The following PDE11A variants were observed in gnomAD, a reference collection of about 807,000 sequenced individuals.
PDE11A encodes the protein phosphodiesterase 11A, also known as dual 3',5'-cyclic-AMP and -GMP phosphodiesterase 11A.
PDE11A carries 100 observed loss-of-function variants against 100.5 expected under a neutral mutation model. That is an observed-to-expected ratio of 1.00 (90% CI 0.85 to 1.18). PDE11A has a LOEUF of 1.18. Among genes scored for constraint, PDE11A ranks in the 50% most tolerant of loss-of-function variants. The pLI, the probability that PDE11A is intolerant of heterozygous loss-of-function variation, is 0.00. For synonymous variants in PDE11A, 381 were observed against 420.8 expected (o/e 0.91, Z 1.16); for missense variants, 1,141 against 1,152.6 (o/e 0.99, Z 0.15).
At chr2:177,998,030 A>G in intron 2 of PDE11A, 1 of 1,254,480 alleles carries the variant, frequency 8.0e-7, no homozygotes, top group Non-Finnish European at 1.2e-6. Context: ...TTAGAGAAGA[A>G]GGGTACTGCC....
intron 3 of PDE11A, among the ~76,000 whole-genome samples, chr2:177,904,549 T>G (rs1157803259): frequency 6.8e-6 from 1 of 147,648 alleles, no homozygotes; most frequent in African/African-American, 2.5e-5. Flanking sequence ...GATGTGATAT[T>G]AATCTCCTTT....
At position 177,922,927 on chromosome 2, in the gene PDE11A, C is replaced by A. The variant is rs149067730; in HGVS notation, c.1072-17740G>T. 3.3e-3 allele frequency: 1,829 copies of A among 552,496 alleles called. 5 individuals carry two copies. Among genetic ancestry groups the A allele is most frequent in the Non-Finnish European group, 3.8e-3 (1,630 of 434,406 alleles). 34.2% of individuals were successfully genotyped at this position (552,496 alleles called of 1,614,324 possible). On this transcript the variant is annotated intron_variant, in intron 2 of 19. Coordinates refer to ENST00000286063, the MANE Select transcript of PDE11A (RefSeq NM_016953.4). Reference sequence around the variant, plus strand: ...CATCATAATTCCCTCATTCTAGAACCTTCTTGCCTACTTTGTGCATCTGTC... The same window carrying A: ...CATCATAATTCCCTCATTCTAGAACATTCTTGCCTACTTTGTGCATCTGTC...
intron 2 of PDE11A, among the ~76,000 whole-genome samples, chr2:177,914,626 A>G (rs1028999954): frequency 6.6e-6 from 1 of 152,172 alleles, no homozygotes; most frequent in Admixed American, 6.5e-5. Flanking sequence ...TACCCAGCAC[A>G]GGTATAAATG....
At chr2:177,833,691 G>A (rs2083345774) in intron 6 of PDE11A, among the ~76,000 whole-genome samples, 1 of 152,190 alleles carries the variant, frequency 6.6e-6, no homozygotes, top group African/African-American at 2.4e-5. Context: ...TCCATTTTGG[G>A]GCATTCTATC....
At position 177,831,912 on chromosome 2, in the gene PDE11A, C is replaced by T. The variant is rs181577024; in HGVS notation, c.1500+8339G>A. ...TTTAGCTATGTCTTAAGGATTGGTG[C>T]GGCTTTAGCTATATGTTTCAAGGAT... On this transcript the variant is annotated intron_variant, in intron 6 of 19. Coordinates refer to ENST00000286063, the MANE Select transcript of PDE11A (RefSeq NM_016953.4). Among the ~76,000 whole-genome samples, 125 of 152,182 alleles carry T rather than the reference C, an allele frequency of 8.2e-4. 1 individual carries two copies. In the East Asian group the frequency reaches 0.014, roughly 17 times the overall value.
intron 2 of PDE11A, among the ~76,000 whole-genome samples, chr2:177,944,805 T>G (rs1471359171): frequency 1.9e-5 from 2 of 104,406 alleles, no homozygotes; most frequent in Middle Eastern, 4.1e-3. Flanking sequence ...ATGCGAGCGC[T>G]CTCCCTCTCC....
At chr2:178,095,712 T>C (rs1025467871) in intron 2 of PDE11A, among the ~76,000 whole-genome samples, 5 of 152,222 alleles carry the variant, frequency 3.3e-5, no homozygotes, top group Admixed American at 1.3e-4. Context: ...GACTTCTGCC[T>C]GGACATCCAG....
intron 6 of PDE11A, among the ~76,000 whole-genome samples, chr2:177,829,537 G>T (rs2083277789): frequency 6.6e-6 from 1 of 151,758 alleles, no homozygotes; most frequent in South Asian, 2.1e-4. Context: ...TCCGCCTCCT[G>T]AGTTCAAGCA....
intron 9 of PDE11A, among the ~76,000 whole-genome samples, chr2:177,775,243 C>T (rs1006174528): frequency 2.6e-5 from 4 of 152,140 alleles, no homozygotes; most frequent in Admixed American, 6.6e-5. Flanking sequence ...CCACTAAGAT[C>T]GTGGTAATTC....
At chr2:177,918,513 A>T (rs1283255774) in intron 2 of PDE11A, among the ~76,000 whole-genome samples, 1 of 152,248 alleles carries the variant, frequency 6.6e-6, no homozygotes, top group African/African-American at 2.4e-5. Flanking sequence ...CAACCATTAG[A>T]ATTGATAAAT....
At chr2:177,894,085 T>G (rs1458561308) in intron 4 of PDE11A, among the ~76,000 whole-genome samples, 2 of 152,150 alleles carry the variant, frequency 1.3e-5, no homozygotes, top group African/African-American at 4.8e-5. Flanking sequence ...ATAAACAGTT[T>G]CCTGTTTATC....
intron 19 of PDE11A, among the ~76,000 whole-genome samples, chr2:177,636,624 A>G (rs1574084390): frequency 6.6e-6 from 1 of 152,080 alleles, no homozygotes; most frequent in African/African-American, 2.4e-5. Context: ...GCCTGGATGA[A>G]GAACTCACTC....
At chr2:178,042,477 C>CAAAAAAAAAAA (rs11291265) in intron 1 of PDE11A, among the ~76,000 whole-genome samples, 1 of 138,532 alleles carries the variant, frequency 7.2e-6, no homozygotes, top group Non-Finnish European at 1.6e-5. Context: ...GACTCTGTCT[C>CAAAAAAAAAAA]AAAAAAAAAA....
intron 9 of PDE11A, among the ~76,000 whole-genome samples, chr2:177,790,761 A>G (rs986298684): frequency 6.6e-6 from 1 of 152,248 alleles, no homozygotes; most frequent in Non-Finnish European, 1.5e-5. Context: ...AAAGACATTT[A>G]TGCAGCCAAA....
chr2:178,021,791 G>T (rs2086415791), intron 1 of PDE11A, among the ~76,000 whole-genome samples: 1 of 152,300 alleles, frequency 6.6e-6, no homozygotes, highest in Non-Finnish European at 1.5e-5. Flanking sequence ...CAGAAAAAAA[G>T]GAGAGAAGCA....
At chr2:177,832,037 T>A (rs2083318108) in intron 6 of PDE11A, among the ~76,000 whole-genome samples, 1 of 152,124 alleles carries the variant, frequency 6.6e-6, no homozygotes, top group South Asian at 2.1e-4. Context: ...TCCACGAATG[T>A]CAGGTGACCA....
At chr2:178,035,165 A>G (rs971515055) in intron 1 of PDE11A, among the ~76,000 whole-genome samples, 1 of 152,196 alleles carries the variant, frequency 6.6e-6, no homozygotes, top group Non-Finnish European at 1.5e-5. Flanking sequence ...GAAGAATCAA[A>G]TAGACACAAT....
chr2:177,986,447 A>T (rs2085940237), intron 2 of PDE11A, among the ~76,000 whole-genome samples: 1 of 152,166 alleles, frequency 6.6e-6, no homozygotes, highest in Non-Finnish European at 1.5e-5. Context: ...CACAATATCC[A>T]TAGTGATTAA....
intron 2 of PDE11A, among the ~76,000 whole-genome samples, chr2:178,012,191 T>C (rs1222778534): frequency 6.6e-6 from 1 of 152,014 alleles, no homozygotes; most frequent in African/African-American, 2.4e-5. Flanking sequence ...AAGTCAGGTG[T>C]GGGAGTTGTA....
Sources: gnomAD v4.1 joint callset for allele counts (sites outside exome capture counted in the v4.1 genomes callset) on GRCh38, gnomAD v4.1.1 for gene constraint, MANE v1.5 for transcripts, NCBI Gene and HGNC (gene_info 2026-07-23, HGNC 2026-07-21) for gene names.